SPMAP1: variants seen among roughly 807,000 people sequenced by gnomAD.
The protein encoded by SPMAP1 is uncharacterized protein C17orf98.
At chr17:38,839,954 T>C in the SPMAP1 span, among the ~76,000 whole-genome samples, 4 of 151,868 alleles carry the variant, frequency 2.6e-5, no homozygotes, top group African/African-American at 9.7e-5. Context: ...ACCCCATGAG[T>C]CTTCCTGTCT....
chr17:38,838,669 C>T, the SPMAP1 span, among the ~76,000 whole-genome samples: 1 of 152,136 alleles, frequency 6.6e-6, no homozygotes, highest in Non-Finnish European at 1.5e-5. Context: ...GTCCCAGCTA[C>T]TCAGGAGGCT....
At chr17:38,839,467 C>CAA in the SPMAP1 span, among the ~76,000 whole-genome samples, 589 of 124,806 alleles carry the variant, frequency 4.7e-3, 5 homozygotes, top group African/African-American at 0.011. Context: ...GACCCTGTCT[C>CAA]AAAAAAAAAA....
At chr17:38,841,281 A>G in the SPMAP1 span, 1 of 1,614,218 alleles carries the variant, frequency 6.2e-7, no homozygotes, top group Non-Finnish European at 8.5e-7. Context: ...ATCGCCGACC[A>G]CAGCTTGGGC....
At chr17:38,840,605 A>AC in the SPMAP1 span, among the ~76,000 whole-genome samples, 3 of 109,780 alleles carry the variant, frequency 2.7e-5, no homozygotes, top group South Asian at 6.7e-4. Context: ...ACATGGCGAG[A>AC]CCCCCTCTCT....
the SPMAP1 span, among the ~76,000 whole-genome samples, chr17:38,838,216 A>C: frequency 6.6e-6 from 1 of 152,152 alleles, no homozygotes; most frequent in Non-Finnish European, 1.5e-5. Context: ...GTTCAGATAA[A>C]GGGCCTGGCA....
the SPMAP1 span, chr17:38,841,336 G>T: frequency 6.2e-7 from 1 of 1,614,152 alleles, no homozygotes; most frequent in South Asian, 1.1e-5. Flanking sequence ...CAGCCACCCC[G>T]TCCAAGATAA....
the SPMAP1 span, among the ~76,000 whole-genome samples, chr17:38,836,585 C>CTTTTTTTTTTT: frequency 1.7e-5 from 1 of 58,426 alleles, no homozygotes; most frequent in Non-Finnish European, 3.6e-5. Context: ...TTCTTTCTTT[C>CTTTTTTTTTTT]TTTTTTTTTT....
chr17:38,841,324 C>T, the SPMAP1 span: 2 of 1,614,194 alleles, frequency 1.2e-6, no homozygotes, highest in Admixed American at 3.3e-5. Flanking sequence ...CAGCGGTGCT[C>T]ACAGCCACCC....
chr17:38,836,142 C>T, the SPMAP1 span, among the ~76,000 whole-genome samples: 13 of 152,054 alleles, frequency 8.5e-5, no homozygotes, highest in African/African-American at 2.9e-4. Context: ...TCTCGAACTC[C>T]TGACCTCGTG....
At chr17:38,837,204 C>T in the SPMAP1 span, 2 of 1,613,984 alleles carry the variant, frequency 1.2e-6, no homozygotes, top group South Asian at 2.2e-5. Flanking sequence ...TGGATGTAGT[C>T]TACTATCCAG....
At chr17:38,836,365 C>G in the SPMAP1 span, among the ~76,000 whole-genome samples, 3 of 152,044 alleles carry the variant, frequency 2.0e-5, no homozygotes, top group African/African-American at 7.2e-5. Flanking sequence ...CTTTGGGAGG[C>G]TGAGGCCAGA....
the SPMAP1 span, among the ~76,000 whole-genome samples, chr17:38,839,312 C>G: frequency 2.0e-5 from 3 of 150,774 alleles, no homozygotes; most frequent in African/African-American, 4.9e-5. Flanking sequence ...GAGTTTAAGA[C>G]CAGCCTGGGC....
Sources: gnomAD v4.1 joint callset for allele counts (sites outside exome capture counted in the v4.1 genomes callset) on GRCh38, gnomAD v4.1.1 for gene constraint, MANE v1.5 for transcripts, NCBI Gene and HGNC (gene_info 2026-07-23, HGNC 2026-07-21) for gene names.